ARHGEF3: variants seen among roughly 807,000 people sequenced by gnomAD.
ARHGEF3 encodes the protein Rho guanine nucleotide exchange factor 3.
Under a neutral mutation model 63.2 loss-of-function variants are expected in ARHGEF3, and 28 were observed. The ratio of observed to expected loss-of-function variants is 0.44; its 90% CI spans 0.33 to 0.61. The LOEUF is 0.61. ARHGEF3 is among the 20% of genes least tolerant of loss of function. ARHGEF3 has a pLI of 0.03. For synonymous variants in ARHGEF3, 266 were observed against 254.2 expected, an observed-to-expected ratio of 1.05 and a Z score of -0.44; for missense variants, 533 against 659.3, an observed-to-expected ratio of 0.81 and a Z score of 2.10.
chr3:57,002,551 T>TTATA (rs146135938), intron 2 of ARHGEF3, among the ~76,000 whole-genome samples: 66 of 104,478 alleles, frequency 6.3e-4, no homozygotes, highest in Middle Eastern at 4.5e-3. Flanking sequence ...ATATGTTATG[T>TTATA]TATATATATG....
intron 2 of ARHGEF3, among the ~76,000 whole-genome samples, chr3:56,994,056 C>T (rs867510219): frequency 2.4e-4 from 4 of 16,814 alleles, no homozygotes; most frequent in Non-Finnish European, 4.6e-4. Flanking sequence ...AAGAGTGAAA[C>T]TTCGTCTCAA....
chr3:56,760,626 A>G (rs182931737), intron 2 of ARHGEF3, among the ~76,000 whole-genome samples: 239 of 152,254 alleles, frequency 1.6e-3, no homozygotes, highest in African/African-American at 5.5e-3. Flanking sequence ...TTCCCATTCT[A>G]CTGAGGAGGA....
intron 1 of ARHGEF3, among the ~76,000 whole-genome samples, chr3:57,050,617 G>A (rs933655713): frequency 6.6e-6 from 1 of 152,208 alleles, no homozygotes; most frequent in Non-Finnish European, 1.5e-5. Flanking sequence ...GTTAGAGGCT[G>A]GGCAGACAGG....
At chr3:56,893,470 C>T (rs955178952) in intron 3 of ARHGEF3, among the ~76,000 whole-genome samples, 16 of 147,878 alleles carry the variant, frequency 1.1e-4, no homozygotes, top group Admixed American at 6.2e-4. Context: ...TGAGCCACCA[C>T]GCCCAACCCC....
intron 2 of ARHGEF3, among the ~76,000 whole-genome samples, 181 bp downstream of exon 2, chr3:56,773,528 C>A (rs928127380): frequency 6.6e-6 from 1 of 152,162 alleles, no homozygotes; most frequent in Non-Finnish European, 1.5e-5. Flanking sequence ...CTCTGCATGA[C>A]CCTTGACTGC....
At chr3:56,827,752 C>CAAAAAAA (rs35949919) in intron 4 of ARHGEF3, among the ~76,000 whole-genome samples, 10 of 68,408 alleles carry the variant, frequency 1.5e-4, no homozygotes, top group African/African-American at 3.3e-4. Context: ...CCTGTCTCTA[C>CAAAAAAA]AAAAAAAAAA....
chr3:56,822,220 A>G (rs1414803547), intron 4 of ARHGEF3, among the ~76,000 whole-genome samples: 2 of 152,212 alleles, frequency 1.3e-5, no homozygotes, highest in Admixed American at 6.5e-5. Flanking sequence ...GGAAAGTATT[A>G]TCATTCCCAT....
intron 3 of ARHGEF3, among the ~76,000 whole-genome samples, chr3:56,920,915 C>T (rs1051040898): frequency 6.6e-5 from 10 of 151,948 alleles, no homozygotes; most frequent in Middle Eastern, 3.4e-3. Flanking sequence ...ATTAGCCAGG[C>T]GTGGTGGCGG....
chr3:56,973,669 CTACTA>C (rs1298946932), intron 2 of ARHGEF3, among the ~76,000 whole-genome samples: 1 of 152,088 alleles, frequency 6.6e-6, no homozygotes, highest in Non-Finnish European at 1.5e-5. Context: ...GAGGGAGACT[CTACTA>C]TTTCACCAAG....
intron 3 of ARHGEF3, among the ~76,000 whole-genome samples, chr3:56,887,524 T>C (rs1458408984): frequency 6.6e-6 from 1 of 152,154 alleles, no homozygotes; most frequent in African/African-American, 2.4e-5. Context: ...GCACAGTAAG[T>C]GGCAGCTCCT....
intron 4 of ARHGEF3, among the ~76,000 whole-genome samples, chr3:56,833,663 C>G (rs137992268): frequency 1.3e-5 from 2 of 152,186 alleles, no homozygotes; most frequent in Non-Finnish European, 2.9e-5. Flanking sequence ...TCCCTATACA[C>G]GCCTCCTTCT....
intron 4 of ARHGEF3, among the ~76,000 whole-genome samples, chr3:56,816,626 C>G (rs1223253197): frequency 6.6e-6 from 1 of 152,162 alleles, no homozygotes; most frequent in Non-Finnish European, 1.5e-5. Context: ...AGGCACTGTG[C>G]TTTGACTTTA....
chr3:56,823,613 T>C (rs1388648332), intron 4 of ARHGEF3, among the ~76,000 whole-genome samples: 1 of 152,150 alleles, frequency 6.6e-6, no homozygotes, highest in Non-Finnish European at 1.5e-5. Context: ...TTATCTTGAT[T>C]AAAAAGCTGA....
At chr3:57,029,365 G>A (rs1451694511) in intron 2 of ARHGEF3, among the ~76,000 whole-genome samples, 1 of 151,882 alleles carries the variant, frequency 6.6e-6, no homozygotes, top group African/African-American at 2.4e-5. Flanking sequence ...AGGAGCGGAG[G>A]TTGCAGTGAG....
chr3:56,967,897 A>AAATAATATATTATATATAATATATT (rs1700648282), intron 2 of ARHGEF3, among the ~76,000 whole-genome samples: 1 of 74,526 alleles, frequency 1.3e-5, no homozygotes, highest in Non-Finnish European at 2.3e-5. Context: ...TATAATATAT[A>AAATAATATATTATATATAATATATT]AATAATATAT....
chr3:56,934,515 C>G (rs1426788315), intron 3 of ARHGEF3, among the ~76,000 whole-genome samples: 2 of 152,308 alleles, frequency 1.3e-5, no homozygotes, highest in African/African-American at 4.8e-5. Flanking sequence ...GGCGGGCCAG[C>G]TGGAGTTCCG....
chr3:56,944,746 T>C (rs1477066746), intron 3 of ARHGEF3, among the ~76,000 whole-genome samples: 1 of 151,774 alleles, frequency 6.6e-6, no homozygotes, highest in African/African-American at 2.4e-5. Flanking sequence ...GTCCAGCTAA[T>C]TTTTGTATTT....
At chr3:56,775,729 G>A (rs1297609745) in intron 1 of ARHGEF3, 22 of 979,796 alleles carry the variant, frequency 2.2e-5, no homozygotes, top group Non-Finnish European at 2.7e-5. Context: ...CTCAGAGGAG[G>A]GTTTAAAACA....
intron 4 of ARHGEF3, among the ~76,000 whole-genome samples, chr3:56,833,840 A>C (rs1363936497): frequency 6.6e-6 from 1 of 152,196 alleles, no homozygotes; most frequent in Non-Finnish European, 1.5e-5. Flanking sequence ...CCCCCAGTGC[A>C]TATCACACTC....
Sources: allele counts gnomAD v4.1 joint callset (sites outside exome capture counted in the v4.1 genomes callset), GRCh38; gene constraint gnomAD v4.1.1; transcripts MANE v1.5; gene names NCBI Gene and HGNC (gene_info 2026-07-23, HGNC 2026-07-21).